The following SPINT2 variants were observed in gnomAD, a reference collection of about 807,000 sequenced individuals.
SPINT2 encodes kunitz-type protease inhibitor 2.
SPINT2 carries 18 observed loss-of-function variants against 30.1 expected under a neutral mutation model. That is an observed-to-expected ratio of 0.60 (90% CI 0.41 to 0.89). The LOEUF is 0.89. Ranked by LOEUF, SPINT2 falls within the 40% of genes least tolerant of loss-of-function variation. SPINT2 has a pLI of 0.00. For missense variants in SPINT2, 276 were observed against 334.3 expected, an observed-to-expected ratio of 0.83 and a Z score of 1.36; for synonymous variants, 139 against 137.9, an observed-to-expected ratio of 1.01 and a Z score of -0.05.
Position 38,290,298 on chromosome 19 carries a change from C to T in SPINT2, c.553+18C>T. The T allele has an allele frequency of 2.5e-6, 4 of 1,610,342 alleles. No individual in the cohort carries two copies. The highest frequency in any genetic ancestry group is 3.4e-6 in the Non-Finnish European group (4 of 1,179,200). ...CTGCTTCCGTAAGTCTGCAGCCCCT[C>T]AGCCCAGGAAGCCCTGCCCTTGAGG... On this transcript the variant is annotated intron_variant, in intron 5 of 6. Transcript: ENST00000301244. This position sits in a 1 kb window ranked among gnomAD's most constrained non-coding sequence, Gnocchi z 4.3.
At chr19:38,279,095 A>T (rs912890545) in intron 1 of SPINT2, among the ~76,000 whole-genome samples, 64 of 152,282 alleles carry the variant, frequency 4.2e-4, no homozygotes, top group African/African-American at 1.4e-3. Context: ...TGTGTGTCTT[A>T]ACATAGTAAG....
chr19:38,290,134 A>G lies in SPINT2; in HGVS notation c.407A>G (p.Asn136Ser), dbSNP rs911317656. The change falls in exon 5 of 7, where the codon AAC (asparagine) becomes AGC (serine). Residue 136 changes from asparagine (N) to serine (S), a missense_variant. Physicochemically the swap from Asn to Ser is conservative, Grantham distance 46. Transcript: ENST00000301244. This position sits in a 1 kb window ranked among gnomAD's most constrained non-coding sequence, Gnocchi z 4.3. The part of the protein sequence containing the change: ...MFNYEEYCTA[N>S]AVTGPCRASF... Reference sequence around the variant, plus strand: ...TTACTCCTAGAATACTGCACCGCCAACGCAGTCACTGGGCCTTGCCGTGCA... The same window carrying G: ...TTACTCCTAGAATACTGCACCGCCAGCGCAGTCACTGGGCCTTGCCGTGCA... 1.7e-5 allele frequency: 28 copies of G among 1,612,424 alleles called. No individual in the cohort carries two copies. The Admixed American group carries it at 2.3e-4, about 13-fold the overall frequency.
At chr19:38,288,048 C>G (rs1968663882) in intron 3 of SPINT2, 113 bp downstream of exon 3, 1 of 1,318,886 alleles carries the variant, frequency 7.6e-7, no homozygotes. Context: ...TCTGTTTACT[C>G]AAAATTGGCA....
At position 38,289,060 on chromosome 19, in the gene SPINT2, C is replaced by T. The variant is rs566860672; in HGVS notation, c.338-78C>T. Reference sequence around the variant, plus strand: ...AGGCGTGTCCACACTCCTCAGTGGGCCCTTCCAGACCCAGACCCAGCTAGG... The same window carrying T: ...AGGCGTGTCCACACTCCTCAGTGGGTCCTTCCAGACCCAGACCCAGCTAGG... On this transcript the variant is annotated intron_variant, in intron 3 of 6. Coordinates refer to ENST00000301244, the MANE Select transcript of SPINT2 (RefSeq NM_021102.4). The T allele has an allele frequency of 1.3e-4, 170 of 1,326,084 alleles. 1 individual carries two copies. In the South Asian group the frequency reaches 1.9e-3, roughly 15 times the overall value. The allele number at this position is 1,326,084 out of a possible 1,614,324, so 82.1% of individuals were successfully genotyped here. A position where few individuals can be genotyped will look rare whatever the true frequency, so the allele number is the denominator to read the frequency against.
At chr19:38,277,241 G>GTTTTGTTT (rs374619260) in intron 1 of SPINT2, among the ~76,000 whole-genome samples, 2 of 151,898 alleles carry the variant, frequency 1.3e-5, no homozygotes, top group Non-Finnish European at 2.9e-5. Flanking sequence ...TATCTCATCT[G>GTTTTGTTT]TTTTGTTTTT....
chr19:38,264,972 C>T lies in SPINT2; in HGVS notation c.80C>T (p.Ala27Val). The T allele has an allele frequency of 1.3e-6, 2 of 1,534,060 alleles. No homozygotes were observed. The highest frequency in any genetic ancestry group is 8.7e-7 in the Non-Finnish European group (1 of 1,144,666). Residue 27 changes from alanine to valine, a missense_variant, in exon 1 of 7, where the codon GCG (alanine) becomes GTG (valine). Ala to Val is a moderately conservative substitution (Grantham distance 64). Transcript: ENST00000301244. ...LGSLLLSGVL[A>V]ADRERSIHDF... is the part of the protein sequence containing the mutation. ...TCGCTGCTCCTCTCTGGGGTCCTGG[C>T]GGCCGACCGAGAACGCAGCATCCAC...
chr19:38,269,857 C>T (rs1328872211), intron 1 of SPINT2, among the ~76,000 whole-genome samples: 1 of 152,252 alleles, frequency 6.6e-6, no homozygotes, highest in African/African-American at 2.4e-5. Context: ...GATCTGCCCG[C>T]CTCGGCCTCC....
At position 38,290,593 on chromosome 19, in the gene SPINT2, C is replaced by T. The variant is rs776191268; in HGVS notation, c.592+18C>T. 205 of 1,613,008 alleles carry T rather than the reference C, an allele frequency of 1.3e-4. No homozygotes were observed. Among genetic ancestry groups the T allele is most frequent in the Non-Finnish European group, 1.7e-4 (197 of 1,179,656 alleles). The stretch of plus-strand genomic sequence containing the variant: ...CTCAAAGGGTAAGTGGCCCCTTACC[C>T]TCCTCCTGCCATCAGCCTGCCTCCT... On this transcript the variant is annotated intron_variant, in intron 6 of 6. Transcript: ENST00000301244. The surrounding 1 kb of genome is among the most constrained non-coding windows in gnomAD (Gnocchi z 4.3).
In SPINT2 at chr19:38,290,142, A is replaced by C. The variant is rs758579986; in HGVS notation, c.415A>C (p.Thr139Pro). 5.0e-6 allele frequency: 8 copies of C among 1,612,548 alleles called. No individual in the cohort carries two copies. Among genetic ancestry groups the C allele is most frequent in the Non-Finnish European group, 6.8e-6 (8 of 1,180,036 alleles). Reference protein sequence around the residue: ...YEEYCTANAVTGPCRASFPRW... With the variant: ...YEEYCTANAVPGPCRASFPRW... ...AGAATACTGCACCGCCAACGCAGTC[A>C]CTGGGCCTTGCCGTGCATCCTTCCC... Residue 139 changes from threonine to proline, a missense_variant, in exon 5 of 7, where the codon ACT becomes CCT. By Grantham distance (38) the Thr-to-Pro change is conservative. Coordinates refer to ENST00000301244, the MANE Select transcript of SPINT2 (RefSeq NM_021102.4). The surrounding 1 kb of genome is among the most constrained non-coding windows in gnomAD (Gnocchi z 4.3).
chr19:38,284,226 TG>T (rs1457170435), intron 2 of SPINT2, among the ~76,000 whole-genome samples: 2 of 151,918 alleles, frequency 1.3e-5, no homozygotes, highest in East Asian at 1.9e-4. Flanking sequence ...CCTGAGTAGT[TG>T]GGACTACAGG....
chr19:38,269,151 G>T (rs981130551), intron 1 of SPINT2, among the ~76,000 whole-genome samples: 1 of 151,866 alleles, frequency 6.6e-6, no homozygotes, highest in Admixed American at 6.6e-5. Flanking sequence ...AGTCTGGAGT[G>T]CAGTAGCGCG....
At chr19:38,286,958 G>A (rs1265414434) in intron 2 of SPINT2, among the ~76,000 whole-genome samples, 2 of 152,148 alleles carry the variant, frequency 1.3e-5, no homozygotes, top group Non-Finnish European at 2.9e-5. Flanking sequence ...AGTTGAATTA[G>A]TTAGATGAGT....
At chr19:38,271,218 G>A (rs527793254) in intron 1 of SPINT2, among the ~76,000 whole-genome samples, 10 of 152,226 alleles carry the variant, frequency 6.6e-5, no homozygotes, top group East Asian at 5.8e-4. Flanking sequence ...GAGGCCGGGC[G>A]CGGTGGCTCA....
chr19:38,273,373 A>T (rs1968478648), intron 1 of SPINT2, among the ~76,000 whole-genome samples: 1 of 152,188 alleles, frequency 6.6e-6, no homozygotes, highest in African/African-American at 2.4e-5. Context: ...CTGGCTTGGT[A>T]GAATTGAAAT....
intron 6 of SPINT2, 54 bp from the exon 7 acceptor site, chr19:38,291,786 C>T (rs1244249362): frequency 2.5e-6 from 4 of 1,597,304 alleles, no homozygotes; most frequent in Middle Eastern, 2.3e-4. Context: ...GAGCGCCACT[C>T]TGGCTGCAAC....
rs1377338891 is a variant in SPINT2, at chr19:38,290,598, C to T, written c.592+23C>T. On this transcript the variant is annotated intron_variant, in intron 6 of 6. Coordinates refer to ENST00000301244, the MANE Select transcript of SPINT2 (RefSeq NM_021102.4). This position sits in a 1 kb window ranked among gnomAD's most constrained non-coding sequence, Gnocchi z 4.3. ...AGGGTAAGTGGCCCCTTACCCTCCT[C>T]CTGCCATCAGCCTGCCTCCTCCCTT... The T allele has an allele frequency of 2.5e-6, 4 of 1,612,706 alleles. No individual in the cohort carries two copies. Among genetic ancestry groups the T allele is most frequent in the African/African-American group, 1.3e-5 (1 of 74,942 alleles).
intron 2 of SPINT2, among the ~76,000 whole-genome samples, chr19:38,287,173 G>A (rs1230770525): frequency 6.6e-6 from 1 of 152,054 alleles, no homozygotes; most frequent in African/African-American, 2.4e-5. Context: ...ACAGGCATCT[G>A]CCATCACGCC....
intron 1 of SPINT2, among the ~76,000 whole-genome samples, chr19:38,277,411 AT>A (rs113476454): frequency 2.0e-5 from 3 of 151,652 alleles, no homozygotes; most frequent in Non-Finnish European, 4.4e-5. Context: ...CACCCGGCTC[AT>A]TTTTTTTGTA....
At chr19:38,271,303 A>G (rs2146266935) in intron 1 of SPINT2, among the ~76,000 whole-genome samples, 1 of 151,612 alleles carries the variant, frequency 6.6e-6, no homozygotes, top group South Asian at 2.1e-4. Flanking sequence ...CATCCTGGCT[A>G]ACACGGTGAA....
Sources: allele counts gnomAD v4.1 joint callset (sites outside exome capture counted in the v4.1 genomes callset), GRCh38; gene constraint gnomAD v4.1.1; non-coding constraint Gnocchi (gnomAD v3.1); transcripts MANE v1.5; gene names NCBI Gene and HGNC (gene_info 2026-07-23, HGNC 2026-07-21).